Variants in ZSCAN5C observed in about 807,000 individuals in gnomAD.
ZSCAN5C encodes zinc finger and SCAN domain-containing protein 5C.
Under a neutral mutation model 17.3 loss-of-function variants are expected in ZSCAN5C, and 11 were observed. That is an observed-to-expected ratio of 0.64 (90% CI 0.40 to 1.06). The LOEUF (loss-of-function observed/expected upper bound fraction) is 1.06, where lower values mean the gene tolerates loss of function less well. Ranked by LOEUF, ZSCAN5C falls within the 50% of genes least tolerant of loss-of-function variation. The pLI, the probability that ZSCAN5C is intolerant of heterozygous loss-of-function variation, is 0.00. For synonymous variants in ZSCAN5C, 229 were observed against 208.4 expected (o/e 1.10, Z -0.85); for missense variants, 698 against 538.9 (o/e 1.30, Z -2.92).
intron 4 of ZSCAN5C, 51 bp from the exon 5 acceptor site, chr19:56,208,398 T>C: frequency 1.8e-6 from 2 of 1,118,638 alleles, no homozygotes; most frequent in Non-Finnish European, 2.6e-6. Flanking sequence ...ATGAGTTTGG[T>C]GTATTGAAAA....
intron 1 of ZSCAN5C, among the ~76,000 whole-genome samples, chr19:56,204,359 G>T (rs142526636): frequency 6.7e-6 from 1 of 149,840 alleles, no homozygotes; most frequent in Admixed American, 6.6e-5. Context: ...CCTTTCCCCC[G>T]AATCCTCACC....
chr19:56,208,575 G>C (rs2032951165), exon 5 of ZSCAN5C: 1 of 1,593,756 alleles, frequency 6.3e-7, no homozygotes, highest in Admixed American at 1.7e-5. Context: ...GGGAGCAGAG[G>C]AGACGCTCTG....
At chr19:56,206,199 A>G (rs775941782) in exon 2 of ZSCAN5C, 94 of 1,587,850 alleles carry the variant, frequency 5.9e-5, no homozygotes, top group Non-Finnish European at 7.6e-5. Flanking sequence ...CATGATCTCC[A>G]TGCCCCAGGA....
chr19:56,207,220 G>A (rs757386074), exon 3 of ZSCAN5C: 1 of 779,122 alleles, frequency 1.3e-6, no homozygotes, highest in Non-Finnish European at 2.4e-6. Context: ...CCAGCCAAGA[G>A]CTGCAGACCC....
intron 1 of ZSCAN5C, among the ~76,000 whole-genome samples, chr19:56,205,155 C>G (rs780659929): frequency 6.6e-6 from 1 of 151,776 alleles, no homozygotes; most frequent in Non-Finnish European, 1.5e-5. Flanking sequence ...AGAAACTAGA[C>G]AGTGGTAATG....
chr19:56,204,531 G>A (rs1373802987), intron 1 of ZSCAN5C, among the ~76,000 whole-genome samples: 2 of 151,648 alleles, frequency 1.3e-5, no homozygotes, highest in Non-Finnish European at 2.9e-5. Context: ...CCACACGGGC[G>A]CCTTAAGCCC....
intron 1 of ZSCAN5C, 39 bp from the exon 2 acceptor site, chr19:56,205,748 T>A: frequency 3.5e-6 from 2 of 569,470 alleles, no homozygotes; most frequent in Non-Finnish European, 6.2e-6. Context: ...GTGGGTAGAG[T>A]AGAAACTTTA....
intron 4 of ZSCAN5C, 59 bp downstream of exon 4, chr19:56,208,243 T>A: frequency 1.4e-6 from 1 of 704,282 alleles, no homozygotes; most frequent in Non-Finnish European, 2.6e-6. Context: ...GGTGTGGGGC[T>A]GGGGTCCCAG....
At chr19:56,209,144 C>T (rs761462529) in exon 5 of ZSCAN5C, 17 of 1,423,646 alleles carry the variant, frequency 1.2e-5, no homozygotes, top group Admixed American at 5.6e-5. Context: ...AGCCTTCGGT[C>T]GGCCGGCGAC....
At chr19:56,209,299 C>A (rs1050962536), downstream of ZSCAN5C, 1 of 596,054 alleles carries the variant, frequency 1.7e-6, no homozygotes. Flanking sequence ...GCGCCTGGCA[C>A]GCAGAGGAGT....
At chr19:56,208,246 G>A in intron 4 of ZSCAN5C, 62 bp downstream of exon 4, 1 of 697,664 alleles carries the variant, frequency 1.4e-6, no homozygotes, top group African/African-American at 1.8e-5. Flanking sequence ...GTGGGGCTGG[G>A]GTCCCAGCAT....
chr19:56,207,485 G>A (rs916802179), intron 3 of ZSCAN5C, among the ~76,000 whole-genome samples: 3 of 151,510 alleles, frequency 2.0e-5, no homozygotes, highest in African/African-American at 7.3e-5. Context: ...AGGGTGGGGG[G>A]TAAGAAATGG....
At chr19:56,205,469 A>G (rs772638931) in intron 1 of ZSCAN5C, among the ~76,000 whole-genome samples, 1 of 151,960 alleles carries the variant, frequency 6.6e-6, no homozygotes, top group Non-Finnish European at 1.5e-5. Context: ...CATGATTGTT[A>G]TATCAGATTT....
Position 56,206,318 on chromosome 19 carries a change from TG to T in ZSCAN5C, c.384+23del, listed in dbSNP as rs565455474. The stretch of plus-strand genomic sequence containing the variant: ...AATGGGTGAGTGGGACCCTCGTGAT[TG>T]GTGCAGGGAAGGGGAGCTGGGATGG... On this transcript the variant is annotated intron_variant, in intron 2 of 4. Transcript: ENST00000534327. The T allele has an allele frequency of 2.0e-6, 3 of 1,491,114 alleles. 1 individual carries two copies. The African/African-American group carries it at 4.3e-5, about 21-fold the overall frequency. The allele number at this position is 1,491,114 out of a possible 1,614,324, so 92.4% of individuals were successfully genotyped here.
intron 4 of ZSCAN5C, 120 bp downstream of exon 4, chr19:56,208,304 C>T: frequency 1.5e-6 from 1 of 685,678 alleles, no homozygotes; most frequent in South Asian, 1.8e-5. Context: ...CCTCTCCATC[C>T]CTTACTCTCC....
intron 2 of ZSCAN5C, 40 bp downstream of exon 2, chr19:56,206,337 T>A (rs2032921301): frequency 7.0e-7 from 1 of 1,435,578 alleles, no homozygotes; most frequent in Non-Finnish European, 9.4e-7. Flanking sequence ...GAAGGGGAGC[T>A]GGGATGGGGG....
chr19:56,205,989 A>T, exon 2 of ZSCAN5C: 1 of 1,588,342 alleles, frequency 6.3e-7, no homozygotes, highest in Non-Finnish European at 8.6e-7. Flanking sequence ...ACCACAGTCC[A>T]TGCCATCCCC....
chr19:56,207,129 C>G, exon 3 of ZSCAN5C: 1 of 775,178 alleles, frequency 1.3e-6, no homozygotes, highest in Non-Finnish European at 2.4e-6. Flanking sequence ...GAAGCCCCCG[C>G]CAGTGTCAGA....
At chr19:56,207,459 A>G (rs961119238) in intron 3 of ZSCAN5C, among the ~76,000 whole-genome samples, 197 bp downstream of exon 3, 1 of 142,272 alleles carries the variant, frequency 7.0e-6, no homozygotes, top group African/African-American at 2.8e-5. Flanking sequence ...CTCCACCATG[A>G]GAGCTTTTAG....
Sources: allele counts gnomAD v4.1 joint callset (sites outside exome capture counted in the v4.1 genomes callset), GRCh38; gene constraint gnomAD v4.1.1; transcripts MANE v1.5; gene names NCBI Gene and HGNC (gene_info 2026-07-23, HGNC 2026-07-21).